The following HDAC9 variants were observed in gnomAD, a reference collection of about 807,000 sequenced individuals.
HDAC9 encodes histone deacetylase 9, also known as MEF-2 interacting transcription repressor (MITR) protein.
Under a neutral mutation model 139.4 loss-of-function variants are expected in HDAC9, and 41 were observed. The ratio of observed to expected loss-of-function variants is 0.29; its 90% CI spans 0.23 to 0.38. The LOEUF (loss-of-function observed/expected upper bound fraction) is 0.38. Among genes scored for constraint, HDAC9 ranks in the 10% least tolerant of loss-of-function variants. The pLI, the probability that HDAC9 is intolerant of heterozygous loss-of-function variation, is 1.00. For missense variants in HDAC9, 1,147 were observed against 1,297.0 expected (o/e 0.88, Z 1.78); for synonymous variants, 517 against 476.2 (o/e 1.09, Z -1.12).
At chr7:18,411,506 C>T (rs1460162694) in intron 1 of HDAC9, among the ~76,000 whole-genome samples, 1 of 152,078 alleles carries the variant, frequency 6.6e-6, no homozygotes, top group East Asian at 1.9e-4. Context: ...TCGCATGTAG[C>T]TGGGGCTACA....
chr7:18,303,720 T>A (rs1798723950), intron 1 of HDAC9, among the ~76,000 whole-genome samples: 1 of 152,176 alleles, frequency 6.6e-6, no homozygotes, highest in African/African-American at 2.4e-5. Context: ...GGTGTGGCCA[T>A]GTGGCTGAGT....
intron 22 of HDAC9, among the ~76,000 whole-genome samples, chr7:18,903,651 A>G (rs1026130695): frequency 6.6e-6 from 1 of 152,154 alleles, no homozygotes; most frequent in Non-Finnish European, 1.5e-5. Context: ...TGTGTCAGCT[A>G]TTTACGCCCA....
At chr7:18,243,676 C>T (rs1025397629) in intron 2 of HDAC9, among the ~76,000 whole-genome samples, 2 of 152,232 alleles carry the variant, frequency 1.3e-5, no homozygotes, top group African/African-American at 4.8e-5. Context: ...CCCACTGCCA[C>T]CTACATGTTT....
intron 12 of HDAC9, among the ~76,000 whole-genome samples, chr7:18,689,361 C>T (rs1200329164): frequency 6.6e-6 from 1 of 151,864 alleles, no homozygotes; most frequent in Non-Finnish European, 1.5e-5. Context: ...CGCCCATTGG[C>T]TTTTCTAGTA....
chr7:18,912,753 G>C (rs1802851117), intron 22 of HDAC9, among the ~76,000 whole-genome samples: 1 of 152,106 alleles, frequency 6.6e-6, no homozygotes, highest in Admixed American at 6.6e-5. Flanking sequence ...TGAGACAACT[G>C]TAAATTGCAT....
intron 6 of HDAC9, among the ~76,000 whole-genome samples, chr7:18,613,853 A>G (rs1029618203): frequency 5.9e-5 from 9 of 151,956 alleles, no homozygotes; most frequent in East Asian, 1.9e-4. Context: ...TTTTGACCCC[A>G]TTGTCCAACC....
At chr7:18,244,995 A>ATCTATCTATCTATCTATCTG (rs1562788075) in intron 2 of HDAC9, among the ~76,000 whole-genome samples, 1 of 3,610 alleles carries the variant, frequency 2.8e-4, no homozygotes, top group Non-Finnish European at 4.4e-4. Context: ...TCTAATCTGC[A>ATCTATCTATCTATCTATCTG]TCTATCTATC....
At chr7:18,655,933 C>G (rs528566367) in intron 11 of HDAC9, among the ~76,000 whole-genome samples, 14 of 152,138 alleles carry the variant, frequency 9.2e-5, no homozygotes, top group Non-Finnish European at 1.9e-4. Context: ...TGGTTGTTTC[C>G]CAACCTTGAC....
chr7:18,129,835 G>C (rs1273763709), intron 1 of HDAC9, among the ~76,000 whole-genome samples: 1 of 152,156 alleles, frequency 6.6e-6, no homozygotes, highest in Non-Finnish European at 1.5e-5. Context: ...AAACACAAAT[G>C]AATATGTAAT....
At chr7:18,953,826 G>T (rs1010892557) in intron 23 of HDAC9, among the ~76,000 whole-genome samples, 1 of 152,032 alleles carries the variant, frequency 6.6e-6, no homozygotes, top group East Asian at 1.9e-4. Context: ...AGACATGATG[G>T]AATTTGGTTT....
At chr7:18,822,310 A>T (rs1007904858) in intron 17 of HDAC9, among the ~76,000 whole-genome samples, 1 of 151,866 alleles carries the variant, frequency 6.6e-6, no homozygotes, top group Admixed American at 6.6e-5. Context: ...CTTTCACTTC[A>T]GAGAGTCCAA....
At chr7:18,449,726 A>C (rs941373572) in intron 1 of HDAC9, among the ~76,000 whole-genome samples, 4 of 152,156 alleles carry the variant, frequency 2.6e-5, no homozygotes, top group African/African-American at 9.7e-5. Context: ...ATATTACTGA[A>C]AATTTTATTA....
chr7:18,271,379 A>C (rs1321379297), intron 2 of HDAC9, among the ~76,000 whole-genome samples: 4 of 152,182 alleles, frequency 2.6e-5, no homozygotes, highest in Non-Finnish European at 4.4e-5. Flanking sequence ...AGATACATAC[A>C]TTTTAGAAGG....
intron 25 of HDAC9, among the ~76,000 whole-genome samples, chr7:18,980,734 T>C (rs202079986): frequency 4.9e-5 from 7 of 143,206 alleles, no homozygotes; most frequent in African/African-American, 1.7e-4. Flanking sequence ...TTCCTTCTTC[T>C]TCTTCTTCTT....
intron 14 of HDAC9, among the ~76,000 whole-genome samples, chr7:18,760,780 A>G (rs1789313303): frequency 6.6e-6 from 1 of 152,214 alleles, no homozygotes; most frequent in Admixed American, 6.5e-5. Flanking sequence ...TTCAGTGACA[A>G]GCACAGCTCG....
At chr7:18,975,982 G>A (rs764059383) in intron 25 of HDAC9, 29 bp downstream of exon 25, 11 of 1,606,902 alleles carry the variant, frequency 6.8e-6, no homozygotes, top group Middle Eastern at 3.8e-4. Flanking sequence ...GGAATAATCC[G>A]GGTCAGTCAT....
chr7:18,646,926 T>C (rs1318444397), intron 9 of HDAC9, among the ~76,000 whole-genome samples: 5 of 152,150 alleles, frequency 3.3e-5, no homozygotes, highest in African/African-American at 1.2e-4. Flanking sequence ...TATTTAGAGA[T>C]TTGGGTATCT....
At chr7:18,819,642 C>G (rs1237246977) in intron 17 of HDAC9, among the ~76,000 whole-genome samples, 1 of 152,114 alleles carries the variant, frequency 6.6e-6, no homozygotes, top group Non-Finnish European at 1.5e-5. Flanking sequence ...TCCCTTTAAA[C>G]TAAGGAGAAA....
At chr7:18,991,906 A>G (rs773876404) in intron 25 of HDAC9, among the ~76,000 whole-genome samples, 17 of 152,336 alleles carry the variant, frequency 1.1e-4, no homozygotes, top group East Asian at 5.8e-4. Flanking sequence ...ATGTTTGTCT[A>G]TTTTGTTCAT....
Sources: gnomAD v4.1 joint callset for allele counts (sites outside exome capture counted in the v4.1 genomes callset) on GRCh38, gnomAD v4.1.1 for gene constraint, MANE v1.5 for transcripts, NCBI Gene and HGNC (gene_info 2026-07-23, HGNC 2026-07-21) for gene names.